The following RGS3 variants were observed in gnomAD, a reference collection of about 807,000 sequenced individuals.
The protein encoded by RGS3 is regulator of G protein signaling 3, also known as regulator of G-protein signalling 3.
In RGS3, 80 loss-of-function variants were observed where a neutral mutation model predicts 132.6. The observed-to-expected ratio is 0.60, with a 90% CI of 0.50 to 0.73. The LOEUF is 0.73. RGS3 is among the 30% of genes least tolerant of loss of function. The probability of loss-of-function intolerance (pLI) is 0.00; values close to 1 mark genes in which losing one functional copy is unlikely to be tolerated. For missense variants in RGS3, 1,382 were observed against 1,530.8 expected (o/e 0.90, Z 1.62); for synonymous variants, 598 against 620.6 (o/e 0.96, Z 0.54).
chr9:113,492,896 C>T (rs1286657259), intron 7 of RGS3, among the ~76,000 whole-genome samples: 1 of 152,156 alleles, frequency 6.6e-6, no homozygotes, highest in African/African-American at 2.4e-5. Context: ...AAGTAAAACT[C>T]GAGGGAGGCT....
chr9:113,504,456 G>A (rs191467080), intron 10 of RGS3, among the ~76,000 whole-genome samples: 2 of 152,344 alleles, frequency 1.3e-5, no homozygotes, highest in South Asian at 4.1e-4. Flanking sequence ...CTGCCAGGCT[G>A]TCCTCCCTGC....
chr9:113,544,185 C>T (rs1397826598), intron 19 of RGS3, among the ~76,000 whole-genome samples: 3 of 152,160 alleles, frequency 2.0e-5, no homozygotes, highest in African/African-American at 7.2e-5. Context: ...GGCCCAGGAG[C>T]TGGGAAGATG....
intron 20 of RGS3, among the ~76,000 whole-genome samples, chr9:113,589,706 C>G (rs1021971641): frequency 5.3e-5 from 8 of 152,184 alleles, no homozygotes; most frequent in African/African-American, 1.9e-4. Flanking sequence ...CTGAAGGGTG[C>G]CCTGAATGGT....
At chr9:113,552,404 C>T (rs1325168167) in intron 19 of RGS3, among the ~76,000 whole-genome samples, 1 of 152,096 alleles carries the variant, frequency 6.6e-6, no homozygotes, top group Non-Finnish European at 1.5e-5. Flanking sequence ...GCAAGACCCG[C>T]CTCCCGGGTT....
chr9:113,514,558 A>C, exon 15 of RGS3: 3 of 1,614,200 alleles, frequency 1.9e-6, no homozygotes, highest in Non-Finnish European at 2.5e-6. Flanking sequence ...GGAACTACCA[A>C]AACTGCCCGG....
At position 113,583,921 on chromosome 9, in the gene RGS3, G is replaced by A. The variant is rs745392904; in HGVS notation, c.2509G>A (p.Gly837Arg). The change falls in exon 20 of 25, where the codon GGG (glycine) becomes AGG (arginine). Residue 837 changes from glycine to arginine, a missense_variant. Coordinates refer to ENST00000350696, the Ensembl canonical transcript of RGS3. ...CCTTACTGAGGACACCATGAGCTCCGGGGACCTACTAGCAGCTACTGGGGA... is the reference window on the plus strand; with the variant it reads ...CCTTACTGAGGACACCATGAGCTCCAGGGACCTACTAGCAGCTACTGGGGA... 43 of 1,613,958 alleles carry A rather than the reference G, an allele frequency of 2.7e-5. No homozygotes were observed. The African/African-American group carries it at 2.7e-4, about 10-fold the overall frequency.
At chr9:113,523,480 A>G (rs531489946) in intron 17 of RGS3, among the ~76,000 whole-genome samples, 2 of 152,306 alleles carry the variant, frequency 1.3e-5, no homozygotes, top group South Asian at 4.2e-4. Context: ...TGCCTGGCCC[A>G]TAACAGGTGC....
Position 113,485,633 on chromosome 9 carries a change from A to T in RGS3, c.629A>T (p.Gln210Leu), listed in dbSNP as rs1025672545. The change falls in exon 7 of 25, where the codon CAA becomes CTA. Residue 210 changes from glutamine to leucine, a missense_variant. Coordinates refer to ENST00000350696, the Ensembl canonical transcript of RGS3. ...TCTGATTGATTTCGCAGTCCTGTCC[A>T]AGAGGAGGATGATCAGAAGCGTCTC... 4.4e-6 allele frequency: 7 copies of T among 1,597,544 alleles called. No individual in the cohort carries two copies. Among genetic ancestry groups the T allele is most frequent in the Non-Finnish European group, 6.0e-6 (7 of 1,172,290 alleles).
intron 18 of RGS3, among the ~76,000 whole-genome samples, chr9:113,533,952 C>G (rs775271363): frequency 6.6e-6 from 1 of 152,214 alleles, no homozygotes; most frequent in African/African-American, 2.4e-5. Context: ...AGTGCCTCAG[C>G]GCACCACCCA....
intron 3 of RGS3, among the ~76,000 whole-genome samples, chr9:113,469,739 A>G (rs182810491): frequency 2.6e-5 from 4 of 152,108 alleles, no homozygotes; most frequent in South Asian, 4.1e-4. Context: ...TTCTTTTTCA[A>G]TCCTTGGGTT....
At chr9:113,475,008 G>A (rs994217184) in intron 3 of RGS3, among the ~76,000 whole-genome samples, 3 of 152,124 alleles carry the variant, frequency 2.0e-5, no homozygotes, top group African/African-American at 4.8e-5. Context: ...TCTTTAGCTG[G>A]TGTCCACATC....
chr9:113,528,252 C>T (rs546244664), intron 17 of RGS3, among the ~76,000 whole-genome samples: 8 of 152,272 alleles, frequency 5.3e-5, no homozygotes, highest in Admixed American at 2.0e-4. Context: ...ACCCATTGCA[C>T]GGTCACAGGG....
chr9:113,485,550 G>T, intron 6 of RGS3, 75 bp from the exon 5 acceptor site: 1 of 1,144,016 alleles, frequency 8.7e-7, no homozygotes, highest in South Asian at 1.4e-5. Flanking sequence ...TTGGAATTAT[G>T]ACTGACTCTA....
At chr9:113,575,325 CCTT>C (rs1157259730) in intron 19 of RGS3, among the ~76,000 whole-genome samples, 1 of 152,184 alleles carries the variant, frequency 6.6e-6, no homozygotes, top group Non-Finnish European at 1.5e-5. Flanking sequence ...GGTGAGCTAA[CCTT>C]CTGTGCCTCA....
chr9:113,533,678 C>G (rs939173620), intron 18 of RGS3, among the ~76,000 whole-genome samples: 2 of 152,214 alleles, frequency 1.3e-5, no homozygotes, highest in Admixed American at 6.5e-5. Flanking sequence ...AGAAGCAGGG[C>G]TGGGAGGCTC....
intron 19 of RGS3, among the ~76,000 whole-genome samples, chr9:113,540,973 C>CA (rs1832877970): frequency 6.6e-6 from 1 of 152,230 alleles, no homozygotes; most frequent in African/African-American, 2.4e-5. Context: ...TTTTAAAGTG[C>CA]TGTCCATATG....
chr9:113,563,625 C>A (rs539441081), intron 19 of RGS3, among the ~76,000 whole-genome samples: 17 of 152,156 alleles, frequency 1.1e-4, no homozygotes, highest in Admixed American at 2.6e-4. Flanking sequence ...TGACAGCCTT[C>A]CAGTCTAGAA....
At position 113,507,353 on chromosome 9, in the gene RGS3, T is replaced by C. The variant is rs1399438430; in HGVS notation, c.1152T>C (p.Asp384=). Residue 384 remains aspartate, a synonymous_variant, in exon 13 of 25, where the codon GAT becomes GAC. Coordinates refer to ENST00000350696, the Ensembl canonical transcript of RGS3. The surrounding 1 kb of genome is among the most constrained non-coding windows in gnomAD (Gnocchi z 5.0). ...TCCCCCAGGTCAAGCCAGGACCAGA[T>C]GGCGGGGTCCTGCGGCGGGCCTCCT... The C allele has an allele frequency of 1.2e-6, 2 of 1,614,006 alleles. No homozygotes were observed. The highest frequency in any genetic ancestry group is 1.3e-5 in the African/African-American group (1 of 75,052).
intron 19 of RGS3, among the ~76,000 whole-genome samples, chr9:113,568,093 A>C (rs114050483): frequency 0.015 from 2,327 of 152,350 alleles, 67 homozygotes; most frequent in African/African-American, 0.053. Context: ...CTATAGATAG[A>C]TAGATAGAGA....
Sources: allele counts gnomAD v4.1 joint callset (sites outside exome capture counted in the v4.1 genomes callset), GRCh38; gene constraint gnomAD v4.1.1; non-coding constraint Gnocchi (gnomAD v3.1); transcripts MANE v1.5; gene names NCBI Gene and HGNC (gene_info 2026-07-23, HGNC 2026-07-21).